The following CHL1 variants were observed in gnomAD, a reference collection of about 807,000 sequenced individuals.
CHL1 encodes the protein cell adhesion molecule L1 like.
Under a neutral mutation model 141.9 loss-of-function variants are expected in CHL1, and 96 were observed. The ratio of observed to expected loss-of-function variants is 0.68; its 90% CI spans 0.57 to 0.80. The LOEUF is 0.80. CHL1 is among the 30% of genes least tolerant of loss of function. The probability of loss-of-function intolerance (pLI) is 0.00; values close to 1 mark genes in which losing one functional copy is unlikely to be tolerated. For missense variants in CHL1, 1,820 were observed against 1,457.2 expected, an observed-to-expected ratio of 1.25 and a Z score of -4.05; for synonymous variants, 613 against 502.2, an observed-to-expected ratio of 1.22 and a Z score of -2.95.
At chr3:355,124 G>A (rs1257086200) in intron 11 of CHL1, among the ~76,000 whole-genome samples, 1 of 152,154 alleles carries the variant, frequency 6.6e-6, no homozygotes, top group Non-Finnish European at 1.5e-5. Flanking sequence ...TAGCAGCTGA[G>A]GGCACAGGTT....
chr3:295,514 G>A (rs1698110247), intron 2 of CHL1, among the ~76,000 whole-genome samples: 1 of 152,100 alleles, frequency 6.6e-6, no homozygotes, highest in Admixed American at 6.6e-5. Flanking sequence ...TAAGAAAGAG[G>A]TCATGGATGC....
intron 9 of CHL1, among the ~76,000 whole-genome samples, chr3:345,149 G>C (rs912397795): frequency 3.3e-5 from 5 of 152,100 alleles, no homozygotes; most frequent in Non-Finnish European, 7.3e-5. Flanking sequence ...ATTGTGGATG[G>C]AGGGGATGAT....
At chr3:200,598 T>C (rs1343672554) in intron 1 of CHL1, among the ~76,000 whole-genome samples, 1 of 152,216 alleles carries the variant, frequency 6.6e-6, no homozygotes, top group Non-Finnish European at 1.5e-5. Context: ...ACACAGCTAA[T>C]GAGTGAAAGC....
chr3:366,635 G>C (rs1575178975), intron 15 of CHL1, among the ~76,000 whole-genome samples: 1 of 147,280 alleles, frequency 6.8e-6, no homozygotes, highest in Non-Finnish European at 1.5e-5. Context: ...GTGTGAAATG[G>C]AAACCACTCT....
chr3:391,213 T>C, intron 22 of CHL1, 54 bp downstream of exon 22: 1 of 1,372,790 alleles, frequency 7.3e-7, no homozygotes, highest in Non-Finnish European at 1.0e-6. Context: ...TCCATGGCCA[T>C]ATTAAACATT....
intron 1 of CHL1, among the ~76,000 whole-genome samples, chr3:226,595 G>A (rs1181334300): frequency 2.6e-5 from 4 of 151,152 alleles, no homozygotes; most frequent in African/African-American, 4.9e-5. Context: ...GATTACAAGC[G>A]CACACCACGC....
At chr3:364,765 C>T (rs909908494) in intron 14 of CHL1, among the ~76,000 whole-genome samples, 1 of 152,056 alleles carries the variant, frequency 6.6e-6, no homozygotes, top group Non-Finnish European at 1.5e-5. Context: ...TCAGCCCATT[C>T]CCGGTTAGGA....
chr3:360,412 A>G lies in CHL1; in HGVS notation c.1294A>G (p.Ile432Val). The change falls in exon 12 of 28, where the codon ATT becomes GTT. Residue 432 changes from isoleucine (I) to valine (V), a missense_variant. Coordinates refer to ENST00000256509, the MANE Select transcript of CHL1 (RefSeq NM_006614.4). ...VHGTILANANIDVVDVRPLIQ... is the reference protein window; with the variant it reads ...VHGTILANANVDVVDVRPLIQ... ...TGGAACTATCCTTGCCAATGCCAAT[A>G]TTGATGTTGTGGGTGAGTGTGCCTG... 6.2e-7 allele frequency: 1 copy of G among 1,613,548 alleles called. No individual in the cohort carries two copies. Among genetic ancestry groups the G allele is most frequent in the Middle Eastern group, 1.7e-4 (1 of 6,060 alleles).
chr3:356,235 T>C (rs890381805), intron 11 of CHL1, among the ~76,000 whole-genome samples: 6 of 152,186 alleles, frequency 3.9e-5, no homozygotes, highest in East Asian at 1.9e-4. Flanking sequence ...ATAATGAATG[T>C]TCAGGTTACA....
intron 2 of CHL1, among the ~76,000 whole-genome samples, chr3:254,925 G>T (rs1694018890): frequency 6.6e-6 from 1 of 152,114 alleles, no homozygotes; most frequent in Middle Eastern, 3.2e-3. Context: ...AATTTGGGAA[G>T]GGATGCATTC....
intron 2 of CHL1, among the ~76,000 whole-genome samples, chr3:280,685 C>T (rs1471759436): frequency 6.6e-6 from 1 of 152,152 alleles, no homozygotes; most frequent in East Asian, 1.9e-4. Context: ...ATCACCTTTA[C>T]TACCACCAAC....
intron 5 of CHL1, among the ~76,000 whole-genome samples, chr3:328,626 ATAT>A (rs1701196793): frequency 6.6e-6 from 1 of 152,160 alleles, no homozygotes; most frequent in Non-Finnish European, 1.5e-5. Context: ...AGAATTAAAC[ATAT>A]TATTAGTTAA....
intron 1 of CHL1, among the ~76,000 whole-genome samples, chr3:226,843 A>G (rs1244882111): frequency 6.6e-6 from 1 of 152,182 alleles, no homozygotes; most frequent in Non-Finnish European, 1.5e-5. Flanking sequence ...AGACAATTTG[A>G]TAAACAAGGA....
chr3:242,402 C>A, intron 1 of CHL1, among the ~76,000 whole-genome samples: 1 of 140,842 alleles, frequency 7.1e-6, no homozygotes, highest in East Asian at 2.2e-4. Flanking sequence ...CGAGACCATC[C>A]TGGCTAACAC....
intron 1 of CHL1, chr3:197,525 G>C (rs1698439216): frequency 4.3e-6 from 1 of 233,798 alleles, no homozygotes; most frequent in African/African-American, 2.3e-5. Context: ...CTCCCACCGC[G>C]CCCCTCGCTC....
chr3:225,754 A>T (rs1701263914), intron 1 of CHL1, among the ~76,000 whole-genome samples: 2 of 152,148 alleles, frequency 1.3e-5, no homozygotes, highest in Non-Finnish European at 2.9e-5. Flanking sequence ...TCACGCCTGT[A>T]ATCCCAGCAC....
chr3:404,696 C>T (rs754629108), intron 27 of CHL1, among the ~76,000 whole-genome samples: 26 of 152,008 alleles, frequency 1.7e-4, no homozygotes, highest in Non-Finnish European at 3.7e-4. Flanking sequence ...TAAAAAAGAA[C>T]ATTTTATCAG....
intron 1 of CHL1, among the ~76,000 whole-genome samples, chr3:227,516 T>C (rs1253363014): frequency 6.6e-6 from 1 of 152,220 alleles, no homozygotes; most frequent in Non-Finnish European, 1.5e-5. Flanking sequence ...CAATAGGTGA[T>C]ATGCATGTGG....
chr3:303,307 G>C, intron 2 of CHL1, among the ~76,000 whole-genome samples: 1 of 135,444 alleles, frequency 7.4e-6, no homozygotes, highest in Admixed American at 7.2e-5. Flanking sequence ...GATGGGGATA[G>C]CATTGAATCT....
Sources: allele counts gnomAD v4.1 joint callset (sites outside exome capture counted in the v4.1 genomes callset), GRCh38; gene constraint gnomAD v4.1.1; transcripts MANE v1.5; gene names NCBI Gene and HGNC (gene_info 2026-07-23, HGNC 2026-07-21).